TMEM116: variants seen among roughly 807,000 people sequenced by gnomAD.
The protein encoded by TMEM116 is transmembrane protein 116.
A neutral mutation model predicts 44.3 loss-of-function variants in TMEM116; 38 were observed. The ratio of observed to expected loss-of-function variants is 0.86; its 90% CI spans 0.66 to 1.12. The LOEUF (loss-of-function observed/expected upper bound fraction) is 1.12, where lower values mean the gene tolerates loss of function less well. Among genes scored for constraint, TMEM116 ranks in the 50% most tolerant of loss-of-function variants. The pLI is 0.00. For synonymous variants in TMEM116, 132 were observed against 144.8 expected (o/e 0.91, Z 0.64); for missense variants, 354 against 401.7 (o/e 0.88, Z 1.01).
intron 1 of TMEM116, chr12:112,005,854 TTAG>T (rs2077552054): frequency 1.1e-6 from 1 of 905,472 alleles, no homozygotes; most frequent in Non-Finnish European, 1.3e-6. Context: ...TGAAGAAAAG[TTAG>T]TAGTATGAAA....
At chr12:111,986,205 A>T (rs961583305) in intron 4 of TMEM116, among the ~76,000 whole-genome samples, 1 of 151,970 alleles carries the variant, frequency 6.6e-6, no homozygotes, top group African/African-American at 2.4e-5. Flanking sequence ...AAAAAAATTT[A>T]AAAATTAGCC....
At chr12:112,005,335 A>G in intron 1 of TMEM116, 32 bp from the exon 2 acceptor site, 1 of 1,276,152 alleles carries the variant, frequency 7.8e-7, no homozygotes, top group Non-Finnish European at 9.9e-7. Flanking sequence ...GAATAAAATT[A>G]AACCTTTTAC....
intron 10 of TMEM116, among the ~76,000 whole-genome samples, chr12:111,932,340 T>C (rs1447732495): frequency 6.6e-6 from 1 of 152,096 alleles, no homozygotes; most frequent in Admixed American, 6.5e-5. Flanking sequence ...TAAAAACACA[T>C]CAGTAAAATG....
rs1174939459 is a variant in TMEM116, at chr12:111,936,599, C to T, written c.588+93G>A. ...TTAGTTCTAGGACCACAAGAAGTGC[C>T]TCTCTGCCCCATCTTTCCCAGGTCC... On this transcript the variant is annotated intron_variant, in intron 8 of 10. Transcript: ENST00000552374. The T allele has an allele frequency of 2.8e-6, 4 of 1,426,062 alleles. No homozygotes were observed. In the African/African-American group the frequency reaches 4.3e-5, roughly 15 times the overall value. 88.3% of individuals were successfully genotyped at this position (1,426,062 alleles called of 1,614,324 possible).
At chr12:111,938,431 AC>A (rs1279423444) in intron 5 of TMEM116, among the ~76,000 whole-genome samples, 9 of 151,954 alleles carry the variant, frequency 5.9e-5, no homozygotes, top group Admixed American at 3.3e-4. Flanking sequence ...AAAAAGTACA[AC>A]AACAACAACA....
chr12:111,936,361 T>C (rs927628552), intron 8 of TMEM116: 13 of 187,312 alleles, frequency 6.9e-5, no homozygotes, highest in African/African-American at 3.0e-4. Context: ...ATATGTTCTA[T>C]GTTTCAGAGT....
At chr12:112,003,980 T>G (rs2077431356) in intron 2 of TMEM116, 117 bp from the exon 3 acceptor site, 1 of 1,353,464 alleles carries the variant, frequency 7.4e-7, no homozygotes, top group Non-Finnish European at 9.5e-7. Flanking sequence ...TAAAATAAAC[T>G]GCATTAAAAA....
chr12:111,975,948 T>C (rs940612551), intron 4 of TMEM116, among the ~76,000 whole-genome samples: 3 of 152,190 alleles, frequency 2.0e-5, no homozygotes, highest in African/African-American at 7.2e-5. Flanking sequence ...TAATTATAAC[T>C]GAGAGAGGTT....
chr12:112,004,654 A>C (rs1176392197), intron 2 of TMEM116, among the ~76,000 whole-genome samples: 1 of 147,470 alleles, frequency 6.8e-6, no homozygotes, highest in Non-Finnish European at 1.5e-5. Flanking sequence ...GGCCATGCCA[A>C]TCTTTTTTTT....
intron 5 of TMEM116, among the ~76,000 whole-genome samples, chr12:111,939,580 T>C (rs2072494153): frequency 6.6e-6 from 1 of 150,832 alleles, no homozygotes; most frequent in Non-Finnish European, 1.5e-5. Context: ...GAAGGATCAC[T>C]TGAGCCCAGG....
chr12:111,972,980 A>C (rs975300017), intron 4 of TMEM116, among the ~76,000 whole-genome samples: 1 of 150,034 alleles, frequency 6.7e-6, no homozygotes, highest in Non-Finnish European at 1.5e-5. Context: ...TCTACTAAAA[A>C]TACAAAAATT....
chr12:111,997,593 C>T (rs1194950841), intron 3 of TMEM116, among the ~76,000 whole-genome samples: 1 of 151,860 alleles, frequency 6.6e-6, no homozygotes. Context: ...AAAAAACAAA[C>T]AGAACAGATA....
intron 4 of TMEM116, among the ~76,000 whole-genome samples, chr12:111,959,787 A>G (rs2136375670): frequency 6.6e-6 from 1 of 152,364 alleles, no homozygotes; most frequent in Non-Finnish European, 1.5e-5. Context: ...TAAAGGGATC[A>G]ATGCAACAAG....
intron 4 of TMEM116, among the ~76,000 whole-genome samples, chr12:111,949,971 T>G (rs911784890): frequency 6.6e-6 from 1 of 152,110 alleles, no homozygotes; most frequent in Admixed American, 6.5e-5. Flanking sequence ...AAAAATTAGC[T>G]GGGCATGGTA....
At chr12:111,950,149 AC>A (rs897555501) in intron 4 of TMEM116, among the ~76,000 whole-genome samples, 9 of 152,070 alleles carry the variant, frequency 5.9e-5, no homozygotes, top group African/African-American at 1.9e-4. Flanking sequence ...AACAAAAAAA[AC>A]AACCAAAAAA....
At chr12:111,984,364 A>T (rs1169326140) in intron 4 of TMEM116, among the ~76,000 whole-genome samples, 1 of 152,206 alleles carries the variant, frequency 6.6e-6, no homozygotes, top group East Asian at 1.9e-4. Flanking sequence ...GAATCTAAAA[A>T]TCAAAACAAT....
intron 3 of TMEM116, among the ~76,000 whole-genome samples, chr12:111,998,223 C>A (rs1328849418): frequency 6.6e-6 from 1 of 152,078 alleles, no homozygotes; most frequent in African/African-American, 2.4e-5. Flanking sequence ...TAGTGAGTGA[C>A]CGTGGTATGT....
At chr12:112,007,272 G>A (rs1272914588) in intron 1 of TMEM116, among the ~76,000 whole-genome samples, 1 of 152,150 alleles carries the variant, frequency 6.6e-6, no homozygotes, top group East Asian at 1.9e-4. Context: ...ATATAAGCCA[G>A]GCGGGGTGGC....
intron 3 of TMEM116, 184 bp downstream of exon 3, chr12:112,003,616 A>T: frequency 1.4e-6 from 1 of 698,568 alleles, no homozygotes; most frequent in Non-Finnish European, 2.1e-6. Flanking sequence ...AGTTATAGCT[A>T]AAATAATTAC....
Sources: gnomAD v4.1 joint callset for allele counts (sites outside exome capture counted in the v4.1 genomes callset) on GRCh38, gnomAD v4.1.1 for gene constraint, MANE v1.5 for transcripts, NCBI Gene and HGNC (gene_info 2026-07-23, HGNC 2026-07-21) for gene names.